CELSR1: variants seen among roughly 807,000 people sequenced by gnomAD.
The protein encoded by CELSR1 is adhesion G protein-coupled receptor C1.
In CELSR1, 110 loss-of-function variants were observed where a neutral mutation model predicts 249.1. The ratio of observed to expected loss-of-function variants is 0.44; its 90% CI spans 0.38 to 0.52. The LOEUF is 0.52. Ranked by LOEUF, CELSR1 falls within the 20% of genes least tolerant of loss-of-function variation. The pLI, the probability that CELSR1 is intolerant of heterozygous loss-of-function variation, is 0.00. For synonymous variants in CELSR1, 2,113 were observed against 1,900.0 expected (o/e 1.11, Z -2.92); for missense variants, 4,109 against 4,296.4 (o/e 0.96, Z 1.22).
In CELSR1 at chr22:46,445,578, T is replaced by A. The variant is rs987081837; in HGVS notation, c.4184-6167A>T. 2.0e-5 allele frequency among the ~76,000 whole-genome samples: 3 copies of A among 152,122 alleles called. No individual in the cohort carries two copies. The highest frequency in any genetic ancestry group is 7.2e-5 in the African/African-American group (3 of 41,428). The stretch of plus-strand genomic sequence containing the variant: ...ACGATGACTTAAGGACCCAAACTCA[T>A]TACATCTGGAAAGAGCCCATTTCCA... On this transcript the variant is annotated intron_variant, in intron 2 of 34. Transcript: ENST00000674500. The surrounding 1 kb of genome is among the most constrained non-coding windows in gnomAD (Gnocchi z 4.4).
In CELSR1 at chr22:46,535,922, G is replaced by A. The variant is rs1324486671; in HGVS notation, c.1249C>T (p.Arg417Trp). The A allele has an allele frequency of 2.5e-6, 4 of 1,607,912 alleles. No homozygotes were observed. The highest frequency in any genetic ancestry group is 1.7e-5 in the Admixed American group (1 of 59,822). ...GVVSTRAVLD[R>W]EEAAEYQLLV... ...AGCTGGTACTCGGCCGCCTCCTCCC[G>A]GTCCAGCACCGCCCGTGTGCTCACC... Residue 417 changes from arginine to tryptophan, a missense_variant, in exon 1 of 35, where the codon CGG becomes TGG. By Grantham distance (101) the Arg-to-Trp change is moderately radical. Coordinates refer to ENST00000674500, the MANE Select transcript of CELSR1 (RefSeq NM_001378328.1).
chr22:46,459,273 G>T (rs530857966), intron 2 of CELSR1, among the ~76,000 whole-genome samples: 4 of 152,068 alleles, frequency 2.6e-5, no homozygotes, highest in Non-Finnish European at 4.4e-5. Flanking sequence ...ATTCAAAACC[G>T]AGTCCTAAGG....
intron 19 of CELSR1, among the ~76,000 whole-genome samples, chr22:46,385,766 T>C (rs1047956895): frequency 2.0e-5 from 3 of 149,182 alleles, no homozygotes; most frequent in African/African-American, 5.0e-5. Context: ...CAAGCTCCGC[T>C]TCCCGGGTTC....
At chr22:46,452,338 G>A (rs1046681352) in intron 2 of CELSR1, among the ~76,000 whole-genome samples, 4 of 152,190 alleles carry the variant, frequency 2.6e-5, no homozygotes, top group Admixed American at 2.0e-4. Context: ...ATGGCACCGG[G>A]AAGACAGCGG....
At position 46,366,474 on chromosome 22, in the gene CELSR1, G is replaced by C; in HGVS notation, c.8212C>G (p.Leu2738Val). 6.5e-7 allele frequency: 1 copy of C among 1,550,358 alleles called. No individual in the cohort carries two copies. The highest frequency in any genetic ancestry group is 1.4e-5 in the African/African-American group (1 of 73,078). The change falls in exon 30 of 35, where the codon CTC (leucine) becomes GTC (valine). Residue 2738 changes from leucine to valine, a missense_variant. Physicochemically the swap from Leu to Val is conservative, Grantham distance 32. Transcript: ENST00000674500. ...TCACCGAAGGTGGTGTTGCAGTTGAGGGAGCGCTGAAGGGAGGGGAGGGGC... is the reference window on the plus strand; with the variant it reads ...TCACCGAAGGTGGTGTTGCAGTTGACGGAGCGCTGAAGGGAGGGGAGGGGC... The part of the protein sequence containing the change: ...TTRATLLTRS[L>V]NCNTTFGDGP...
chr22:46,371,578 A>T (rs983114421), intron 25 of CELSR1, among the ~76,000 whole-genome samples: 1 of 151,394 alleles, frequency 6.6e-6, no homozygotes, highest in Non-Finnish European at 1.5e-5. Flanking sequence ...GCACCCACCC[A>T]TCCATTTACT....
At chr22:46,524,003 AG>A (rs1204215448) in intron 1 of CELSR1, among the ~76,000 whole-genome samples, 1 of 152,158 alleles carries the variant, frequency 6.6e-6, no homozygotes, top group East Asian at 1.9e-4. Context: ...GTCCCGTTTC[AG>A]GCAACGCAGT....
chr22:46,525,439 A>C (rs1234627578), intron 1 of CELSR1, among the ~76,000 whole-genome samples: 1 of 79,312 alleles, frequency 1.3e-5, no homozygotes, highest in Non-Finnish European at 2.5e-5. Context: ...ACAAAAGCAA[A>C]ACTCTGTCTC....
Position 46,407,010 on chromosome 22 carries a change from G to T in CELSR1, c.5226+1986C>A, listed in dbSNP as rs190575990. Among the ~76,000 whole-genome samples the T allele has an allele frequency of 2.6e-5, 4 of 152,214 alleles. No individual in the cohort carries two copies. Among genetic ancestry groups the T allele is most frequent in the South Asian group, 2.1e-4 (1 of 4,828 alleles). ...ACTTCCTGACCGCAGGAGCGGGGAG[G>T]GGGGGTCATCCTGGGAGAACAGGGT... On this transcript the variant is annotated intron_variant, in intron 9 of 34. Transcript: ENST00000674500. This position sits in a 1 kb window ranked among gnomAD's most constrained non-coding sequence, Gnocchi z 4.8.
At position 46,402,785 on chromosome 22, in the gene CELSR1, G is replaced by A. The variant is rs1310381127; in HGVS notation, c.5227-2883C>T. Among the ~76,000 whole-genome samples the A allele has an allele frequency of 6.6e-6, 1 of 152,118 alleles. No homozygotes were observed. Among genetic ancestry groups the A allele is most frequent in the Admixed American group, 6.6e-5 (1 of 15,262 alleles). On this transcript the variant is annotated intron_variant, in intron 9 of 34. Coordinates refer to ENST00000674500, the MANE Select transcript of CELSR1 (RefSeq NM_001378328.1). This position sits in a 1 kb window ranked among gnomAD's most constrained non-coding sequence, Gnocchi z 5.0. ...ATAAGGGTCAAACGGCCATGTTTAA[G>A]TACATGTAAGAAGAATCAGAAAACA...
At chr22:46,405,493 T>C (rs983318776) in intron 9 of CELSR1, among the ~76,000 whole-genome samples, 1 of 151,124 alleles carries the variant, frequency 6.6e-6, no homozygotes, top group Non-Finnish European at 1.5e-5. Flanking sequence ...TCCTTTGCCA[T>C]CTCTTGCATT....
At chr22:46,386,640 C>A in intron 18 of CELSR1, 55 bp from the exon 19 acceptor site, 1 of 1,437,080 alleles carries the variant, frequency 7.0e-7, no homozygotes, top group Non-Finnish European at 9.2e-7. Context: ...GCTCGTGGGA[C>A]GGAGGGACAC....
chr22:46,459,196 T>C (rs1443601423), intron 2 of CELSR1, among the ~76,000 whole-genome samples: 3 of 152,070 alleles, frequency 2.0e-5, no homozygotes, highest in Non-Finnish European at 4.4e-5. Context: ...CCGGTTCCCA[T>C]TTTAGTAATG....
In CELSR1 at chr22:46,436,250, G is replaced by A. The variant is rs201891674; in HGVS notation, c.4446C>T (p.Asn1482=). 1.5e-4 allele frequency: 250 copies of A among 1,614,140 alleles called. No homozygotes were observed. Among genetic ancestry groups the A allele is most frequent in the East Asian group, 8.5e-4 (38 of 44,882 alleles). Residue 1482 remains asparagine (N), a synonymous_variant, in exon 4 of 35, where the codon AAC becomes AAT. Coordinates refer to ENST00000674500, the MANE Select transcript of CELSR1 (RefSeq NM_001378328.1). The surrounding 1 kb of genome is among the most constrained non-coding windows in gnomAD (Gnocchi z 5.9). The part of the protein sequence containing the change: ...TQERNGLLLY[N]GRFNEKHDFI... ...AGTCGTGCTTCTCATTGAAGCGGCC[G>A]TTGTAGAGAAGCAAGCCGTTCCTTT...
At chr22:46,400,898 G>C (rs892503715) in intron 9 of CELSR1, among the ~76,000 whole-genome samples, 19 of 151,956 alleles carry the variant, frequency 1.3e-4, no homozygotes, top group African/African-American at 4.1e-4. Flanking sequence ...GTTGCAGTGA[G>C]CCTAGGTAGC....
intron 2 of CELSR1, among the ~76,000 whole-genome samples, chr22:46,460,712 C>T (rs2080016111): frequency 6.6e-6 from 1 of 152,132 alleles, no homozygotes; most frequent in Non-Finnish European, 1.5e-5. Context: ...TTAAGGCTTC[C>T]TGCCCTCGTC....
chr22:46,451,716 T>C (rs1481889274), intron 2 of CELSR1, among the ~76,000 whole-genome samples: 1 of 152,168 alleles, frequency 6.6e-6, no homozygotes, highest in Admixed American at 6.5e-5. Flanking sequence ...CACCCTGTAA[T>C]GGGCTACACG....
At chr22:46,499,990 T>G (rs1344553069) in intron 1 of CELSR1, among the ~76,000 whole-genome samples, 1 of 152,076 alleles carries the variant, frequency 6.6e-6, no homozygotes, top group Non-Finnish European at 1.5e-5. Flanking sequence ...AATGTCCATT[T>G]CCACCCCATG....
chr22:46,409,738 C>T lies in CELSR1; in HGVS notation c.5059+17G>A, dbSNP rs747706172. The T allele has an allele frequency of 8.1e-6, 13 of 1,611,174 alleles. No individual in the cohort carries two copies. Among genetic ancestry groups the T allele is most frequent in the Admixed American group, 5.0e-5 (3 of 60,002 alleles). On this transcript the variant is annotated intron_variant, in intron 8 of 34. Coordinates refer to ENST00000674500, the MANE Select transcript of CELSR1 (RefSeq NM_001378328.1). The surrounding 1 kb of genome is among the most constrained non-coding windows in gnomAD (Gnocchi z 9.8). ...AGGCCGCCGTGACCGGGGGGATGGA[C>T]GACGCCGGCCACTCACCTTGCTCAC... is the stretch of plus-strand genomic sequence containing the variant.
Sources: allele counts gnomAD v4.1 joint callset (sites outside exome capture counted in the v4.1 genomes callset), GRCh38; gene constraint gnomAD v4.1.1; non-coding constraint Gnocchi (gnomAD v3.1); transcripts MANE v1.5; gene names NCBI Gene and HGNC (gene_info 2026-07-23, HGNC 2026-07-21).